Variants in TUSC3 observed in about 807,000 individuals in gnomAD.
The protein encoded by TUSC3 is dolichyl-diphosphooligosaccharide--protein glycosyltransferase subunit TUSC3.
Under a neutral mutation model 44.8 loss-of-function variants are expected in TUSC3, and 45 were observed. That is an observed-to-expected ratio of 1.00 (90% CI 0.79 to 1.29). The LOEUF (loss-of-function observed/expected upper bound fraction) is 1.29. TUSC3 is among the 50% of genes most tolerant of loss of function. TUSC3 has a pLI of 0.00. For synonymous variants in TUSC3, 212 were observed against 152.9 expected (o/e 1.39, Z -2.85); for missense variants, 519 against 437.9 (o/e 1.19, Z -1.65).
chr8:15,749,127 TA>T (rs55779004), intron 9 of TUSC3, among the ~76,000 whole-genome samples: 115,901 of 142,668 alleles, frequency 0.81, 44,645 homozygotes, highest in Non-Finnish European at 0.85. Flanking sequence ...TTAAATAACT[TA>T]ACATTTTTTT....
chr8:15,566,499 T>A lies in TUSC3; in HGVS notation c.138+25931T>A, dbSNP rs1026511411. ...GGTAACAGCTGCTAAAGGAAAGAGC[T>A]GGACCACAACAACTGATAAGGAAAA... On this transcript the variant is annotated intron_variant, in intron 1 of 10. Coordinates refer to ENST00000503731, the MANE Select transcript of TUSC3 (RefSeq NM_006765.4). Among the ~76,000 whole-genome samples, 3 of 152,160 alleles carry A rather than the reference T, an allele frequency of 2.0e-5. No individual in the cohort carries two copies. The East Asian group carries it at 5.8e-4, about 29-fold the overall frequency.
intron 1 of TUSC3, among the ~76,000 whole-genome samples, chr8:15,548,797 C>A (rs1469472): frequency 0.12 from 18,782 of 151,722 alleles, 1,661 homozygotes; most frequent in South Asian, 0.35. Context: ...CTCCTTCTAC[C>A]CTATGTTTTA....
chr8:15,467,664 C>T (rs1186376138), intron 1 of TUSC3, among the ~76,000 whole-genome samples: 6 of 152,122 alleles, frequency 3.9e-5, no homozygotes, highest in Non-Finnish European at 8.8e-5. Flanking sequence ...CAAACTCCAC[C>T]AAAATCAGTA....
intron 1 of TUSC3, among the ~76,000 whole-genome samples, chr8:15,457,871 A>T (rs61391642): frequency 8.6e-5 from 4 of 46,310 alleles, no homozygotes; most frequent in Admixed American, 7.4e-4. Flanking sequence ...TAATAAATTA[A>T]TTAGATAATT....
chr8:15,797,528 C>G, the TUSC3 span, among the ~76,000 whole-genome samples: 1 of 152,144 alleles, frequency 6.6e-6, no homozygotes, highest in Non-Finnish European at 1.5e-5. Context: ...GATAATGCCA[C>G]AGTCAGGGCC....
chr8:15,460,278 C>G lies in TUSC3; in HGVS notation n.92-23108C>G, dbSNP rs116063419. On this transcript the variant is annotated intron_variant and non_coding_transcript_variant, in intron 1 of 5. Coordinates refer to the TUSC3 transcript ENST00000503191. ...CATTGTCGTTTTGATTTGCAGTTCC[C>G]TGATTGTTAGTGATGTTGAGCATTT... 3.2e-3 allele frequency among the ~76,000 whole-genome samples: 488 copies of G among 152,236 alleles called. 1 individual carries two copies. Among genetic ancestry groups the G allele is most frequent in the African/African-American group, 0.011 (474 of 41,546 alleles).
the TUSC3 span, among the ~76,000 whole-genome samples, chr8:15,849,873 A>G: frequency 1.3e-5 from 2 of 152,184 alleles, no homozygotes; most frequent in Non-Finnish European, 2.9e-5. Context: ...GCTGAGCTCC[A>G]GTGATCCGGA....
chr8:15,424,892 G>A (rs755376099), intron 1 of TUSC3, among the ~76,000 whole-genome samples: 1 of 147,386 alleles, frequency 6.8e-6, no homozygotes, highest in African/African-American at 2.5e-5. Flanking sequence ...AAAAAAAAAA[G>A]AAAACTCGTT....
At chr8:15,619,692 A>G (rs1157645461) in intron 1 of TUSC3, among the ~76,000 whole-genome samples, 2 of 152,038 alleles carry the variant, frequency 1.3e-5, no homozygotes, top group South Asian at 2.1e-4. Context: ...TGTTTGTTTT[A>G]GTAGAGATGG....
intron 2 of TUSC3, among the ~76,000 whole-genome samples, chr8:15,514,291 T>C (rs943182508): frequency 5.9e-5 from 9 of 152,182 alleles, no homozygotes; most frequent in South Asian, 4.1e-4. Context: ...TATTTCAAAA[T>C]AGAATTTAGA....
At chr8:15,586,170 G>T (rs1016788466) in intron 1 of TUSC3, among the ~76,000 whole-genome samples, 1 of 152,168 alleles carries the variant, frequency 6.6e-6, no homozygotes, top group East Asian at 1.9e-4. Flanking sequence ...CTGTTAAAAG[G>T]TCATTTTTAG....
intron 1 of TUSC3, among the ~76,000 whole-genome samples, chr8:15,614,547 G>C (rs1804905786): frequency 6.6e-6 from 1 of 152,098 alleles, no homozygotes; most frequent in Admixed American, 6.6e-5. Context: ...AATAAAATGT[G>C]TGGTCTGTTA....
intron 10 of TUSC3, among the ~76,000 whole-genome samples, chr8:15,763,304 C>T (rs182487329): frequency 1.5e-4 from 23 of 151,824 alleles, no homozygotes; most frequent in African/African-American, 5.1e-4. Flanking sequence ...AAAGACGAAA[C>T]AATTTATGCC....
chr8:15,456,283 A>T (rs1009748386), intron 1 of TUSC3, among the ~76,000 whole-genome samples: 1 of 152,208 alleles, frequency 6.6e-6, no homozygotes, highest in Non-Finnish European at 1.5e-5. Flanking sequence ...GTCTCTGTGA[A>T]TTGATTTTGT....
chr8:15,757,659 A>G (rs1811982611), intron 9 of TUSC3, 132 bp from the exon 10 acceptor site: 1 of 1,157,410 alleles, frequency 8.6e-7, no homozygotes, highest in East Asian at 2.5e-5. Flanking sequence ...TAAAGGCACC[A>G]TCGTCTATCC....
At chr8:15,534,316 G>A (rs763540456) in intron 2 of TUSC3, among the ~76,000 whole-genome samples, 1 of 152,030 alleles carries the variant, frequency 6.6e-6, no homozygotes, top group Non-Finnish European at 1.5e-5. Flanking sequence ...TACAAAACTA[G>A]GGTTAAATTT....
intron 2 of TUSC3, among the ~76,000 whole-genome samples, chr8:15,628,814 A>G (rs1805631994): frequency 6.6e-6 from 1 of 152,250 alleles, no homozygotes; most frequent in African/African-American, 2.4e-5. Context: ...ATTTAGTAGC[A>G]AGAACCATGC....
At chr8:15,590,351 T>G (rs768063404) in intron 1 of TUSC3, among the ~76,000 whole-genome samples, 12 of 152,078 alleles carry the variant, frequency 7.9e-5, no homozygotes, top group East Asian at 1.9e-4. Context: ...AACCCAGGCT[T>G]CTTCTTATAC....
At chr8:15,833,270 A>T in the TUSC3 span, among the ~76,000 whole-genome samples, 1,650 of 152,318 alleles carry the variant, frequency 0.011, 37 homozygotes, top group African/African-American at 0.038. Context: ...GGGAGTGTAA[A>T]TTAGTTCAAC....
Sources: allele counts gnomAD v4.1 joint callset (sites outside exome capture counted in the v4.1 genomes callset), GRCh38; gene constraint gnomAD v4.1.1; transcripts MANE v1.5; gene names NCBI Gene and HGNC (gene_info 2026-07-23, HGNC 2026-07-21).